POM121C: variants seen among roughly 807,000 people sequenced by gnomAD.
POM121C encodes nuclear envelope pore membrane protein POM 121C.
Under a neutral mutation model 66.4 loss-of-function variants are expected in POM121C, and 20 were observed. That is an observed-to-expected ratio of 0.30 (90% CI 0.21 to 0.44). The LOEUF (loss-of-function observed/expected upper bound fraction) is 0.44. POM121C is among the 20% of genes least tolerant of loss of function. The probability of loss-of-function intolerance (pLI) is 1.00; values close to 1 mark genes in which losing one functional copy is unlikely to be tolerated. For synonymous variants in POM121C, 286 were observed against 528.0 expected (o/e 0.54, Z 6.28); for missense variants, 580 against 1,225.7 (o/e 0.47, Z 7.87).
chr7:75,424,962 A>T (rs1335799212), intron 10 of POM121C, 112 bp downstream of exon 10: 1 of 1,528,750 alleles, frequency 6.5e-7, no homozygotes, highest in Non-Finnish European at 8.8e-7. Flanking sequence ...TGTCTCAAAA[A>T]ACAAAAACAA....
At chr7:75,468,194 T>C (rs1296960112) in intron 3 of POM121C, among the ~76,000 whole-genome samples, 1 of 147,734 alleles carries the variant, frequency 6.8e-6, no homozygotes, top group African/African-American at 2.5e-5. Flanking sequence ...AAAATAAAAC[T>C]GAGCCTCTCC....
At chr7:75,430,184 T>C (rs1250434380) in intron 7 of POM121C, among the ~76,000 whole-genome samples, 1 of 152,084 alleles carries the variant, frequency 6.6e-6, no homozygotes, top group Non-Finnish European at 1.5e-5. Flanking sequence ...CTAAAAATTA[T>C]ATGAAAATGC....
chr7:75,434,585 T>G (rs1205384679), intron 7 of POM121C, among the ~76,000 whole-genome samples: 1 of 142,350 alleles, frequency 7.0e-6, no homozygotes, highest in Non-Finnish European at 1.5e-5. Context: ...CAGCTAGCTT[T>G]TTTTTTTTTT....
chr7:75,437,431 T>C (rs1790459272), intron 7 of POM121C, 84 bp downstream of exon 7: 2 of 1,501,268 alleles, frequency 1.3e-6, no homozygotes, highest in Non-Finnish European at 1.8e-6. Context: ...TGGGATTACA[T>C]GGCTAAGCTA....
intron 5 of POM121C, among the ~76,000 whole-genome samples, chr7:75,440,408 A>C (rs1668292106): frequency 6.6e-6 from 1 of 151,572 alleles, no homozygotes. Flanking sequence ...TCTACTAAAA[A>C]TACAAAAAAA....
Position 75,441,484 on chromosome 7 carries a change from G to T in POM121C, c.13C>A (p.Pro5Thr). The change falls in exon 4 of 15, where the codon CCA becomes ACA. Residue 5 changes from proline to threonine, a missense_variant. Transcript: ENST00000615331. Reference protein sequence around the residue: MVCSPVTVRIAPPDR... With the variant: MVCSTVTVRIAPPDR... ...GGAGGGGCGATCCTCACAGTCACTGGGCTACACACCATCCTGGAGTTGCGA... is the reference window on the plus strand; with the variant it reads ...GGAGGGGCGATCCTCACAGTCACTGTGCTACACACCATCCTGGAGTTGCGA... The T allele has an allele frequency of 6.2e-7, 1 of 1,613,764 alleles. No homozygotes were observed. Among genetic ancestry groups the T allele is most frequent in the Non-Finnish European group, 8.5e-7 (1 of 1,179,770 alleles).
chr7:75,467,426 G>C (rs1157896718), intron 3 of POM121C, among the ~76,000 whole-genome samples: 1 of 150,910 alleles, frequency 6.6e-6, no homozygotes, highest in Non-Finnish European at 1.5e-5. Flanking sequence ...CAGCTACTTG[G>C]GAGGCTGAGG....
At chr7:75,450,511 A>G (rs1360052135) in intron 3 of POM121C, among the ~76,000 whole-genome samples, 1 of 152,202 alleles carries the variant, frequency 6.6e-6, no homozygotes. Flanking sequence ...GGGTCAGTGC[A>G]GGCCTAGCTA....
At chr7:75,442,827 T>C (rs1790714427) in intron 3 of POM121C, 1 of 1,177,838 alleles carries the variant, frequency 8.5e-7, no homozygotes, top group African/African-American at 1.6e-5. Context: ...GGGGAGACGC[T>C]ACAGCCCGGC....
intron 5 of POM121C, chr7:75,440,569 A>C (rs1554473785): frequency 3.9e-5 from 1 of 25,348 alleles, no homozygotes; most frequent in South Asian, 6.7e-4. Flanking sequence ...CTCCAACTCA[A>C]AAAAAAAAAA....
intron 7 of POM121C, among the ~76,000 whole-genome samples, chr7:75,432,843 G>A (rs1790237494): frequency 6.6e-6 from 1 of 152,168 alleles, no homozygotes; most frequent in Admixed American, 6.5e-5. Flanking sequence ...CTACTGGATG[G>A]AGACTCGGAT....
In POM121C at chr7:75,417,205, C is replaced by T. The variant is rs1388167151; in HGVS notation, c.*1591G>A. The T allele has an allele frequency of 1.0e-6, 1 of 959,844 alleles. No homozygotes were observed. Among genetic ancestry groups the T allele is most frequent in the South Asian group, 4.7e-5 (1 of 21,148 alleles). The allele number at this position is 959,844 out of a possible 1,614,324, so 59.5% of individuals were successfully genotyped here. A position where few individuals can be genotyped will look rare whatever the true frequency, so the allele number is the denominator to read the frequency against. ...GGGGAGGGGGCACCGGTTACATCTA[C>T]ATCACATTATTTATAAAATAAGAAT... On this transcript the variant is annotated 3_prime_UTR_variant, in exon 15 of 15. Transcript: ENST00000615331.
At chr7:75,463,526 C>G in intron 3 of POM121C, among the ~76,000 whole-genome samples, 1 of 149,904 alleles carries the variant, frequency 6.7e-6, no homozygotes, top group Non-Finnish European at 1.5e-5. Context: ...TGAACACAAG[C>G]TAACGGCAGA....
At chr7:75,456,895 C>T (rs1289630444) in intron 3 of POM121C, among the ~76,000 whole-genome samples, 1 of 151,050 alleles carries the variant, frequency 6.6e-6, no homozygotes, top group Non-Finnish European at 1.5e-5. Flanking sequence ...GCCTGTAATC[C>T]CAGCACTCTG....
At chr7:75,462,501 C>T (rs1363849991) in intron 3 of POM121C, among the ~76,000 whole-genome samples, 4 of 151,932 alleles carry the variant, frequency 2.6e-5, no homozygotes, top group African/African-American at 9.7e-5. Context: ...TTTTACTTGC[C>T]CTTGCCCCAC....
intron 3 of POM121C, among the ~76,000 whole-genome samples, chr7:75,457,777 G>A (rs1554476499): frequency 5.3e-5 from 8 of 152,334 alleles, no homozygotes; most frequent in Admixed American, 3.3e-4. Flanking sequence ...CCCACCCACC[G>A]CAGAATACTC....
chr7:75,465,301 G>A (rs1443510637), intron 3 of POM121C, among the ~76,000 whole-genome samples: 2 of 151,002 alleles, frequency 1.3e-5, no homozygotes, highest in African/African-American at 4.9e-5. Context: ...AGCCTGAATT[G>A]TAACACTTTA....
At chr7:75,452,332 C>T (rs1475964462) in intron 3 of POM121C, among the ~76,000 whole-genome samples, 3 of 151,848 alleles carry the variant, frequency 2.0e-5, no homozygotes, top group Non-Finnish European at 2.9e-5. Flanking sequence ...TAGTGGTGCA[C>T]ACCTGTAATC....
chr7:75,442,550 C>A, intron 3 of POM121C: 1 of 1,462,164 alleles, frequency 6.8e-7, no homozygotes, highest in Non-Finnish European at 9.0e-7. Flanking sequence ...CACGGCCAGC[C>A]AGGCCAGCGC....
Sources: allele counts gnomAD v4.1 joint callset (sites outside exome capture counted in the v4.1 genomes callset), GRCh38; gene constraint gnomAD v4.1.1; transcripts MANE v1.5; gene names NCBI Gene and HGNC (gene_info 2026-07-23, HGNC 2026-07-21).